RAD52: variants seen among roughly 807,000 people sequenced by gnomAD.
RAD52 encodes the protein RAD52 DNA repair protein, also known as DNA repair protein RAD52 homolog.
In RAD52, 47 loss-of-function variants were observed where a neutral mutation model predicts 55.5. That is an observed-to-expected ratio of 0.85 (90% CI 0.67 to 1.08). RAD52 has a LOEUF of 1.08. RAD52 is among the 50% of genes least tolerant of loss of function. The probability of loss-of-function intolerance (pLI) is 0.00; values close to 1 mark genes in which losing one functional copy is unlikely to be tolerated. For synonymous variants in RAD52, 184 were observed against 198.9 expected (o/e 0.92, Z 0.63); for missense variants, 468 against 522.8 (o/e 0.90, Z 1.02).
intron 7 of RAD52, among the ~76,000 whole-genome samples, chr12:923,204 T>C: frequency 6.7e-6 from 1 of 150,252 alleles, no homozygotes; most frequent in Non-Finnish European, 1.5e-5. Context: ...CTCAGCAACA[T>C]AGCAAGAACT....
At chr12:935,652 G>A (rs1957575313) in intron 1 of RAD52, among the ~76,000 whole-genome samples, 1 of 151,088 alleles carries the variant, frequency 6.6e-6, no homozygotes, top group African/African-American at 2.4e-5. Context: ...TCAGGAATTC[G>A]AGACCAGCCT....
At chr12:958,763 C>A (rs4765861) in intron 1 of RAD52, among the ~76,000 whole-genome samples, 1 of 152,152 alleles carries the variant, frequency 6.6e-6, no homozygotes, top group Non-Finnish European at 1.5e-5. Flanking sequence ...CTGCAGGGTG[C>A]GTGTGGCGAT....
intron 1 of RAD52, among the ~76,000 whole-genome samples, chr12:963,441 C>A: frequency 6.6e-6 from 1 of 151,982 alleles, no homozygotes; most frequent in African/African-American, 2.4e-5. Flanking sequence ...ACATGATAAG[C>A]AAGTAAACAA....
intron 1 of RAD52, chr12:976,104 G>A (rs1256237273): frequency 6.6e-6 from 1 of 152,258 alleles, no homozygotes; most frequent in African/African-American, 2.4e-5. Flanking sequence ...TGAATCACAA[G>A]GTCAGGAGTT....
chr12:942,428 G>A (rs1462545326), intron 1 of RAD52, among the ~76,000 whole-genome samples: 1 of 152,126 alleles, frequency 6.6e-6, no homozygotes, highest in African/African-American at 2.4e-5. Flanking sequence ...AGAAATGGGT[G>A]ATAGGCTTAA....
At chr12:931,144 C>T (rs1957306193) in intron 3 of RAD52, 76 bp downstream of exon 3, 3 of 1,215,464 alleles carry the variant, frequency 2.5e-6, no homozygotes, top group Non-Finnish European at 2.4e-6. Context: ...TCCCTGAGGA[C>T]CCAGAGAGGG....
intron 1 of RAD52, among the ~76,000 whole-genome samples, chr12:962,462 C>T (rs1018924952): frequency 6.6e-6 from 1 of 151,358 alleles, no homozygotes; most frequent in Non-Finnish European, 1.5e-5. Flanking sequence ...GCCTCAGCCT[C>T]CCGAGTAGCT....
In RAD52 at chr12:911,974, A is replaced by G. The variant is rs1340207305; in HGVS notation, c.*1417T>C. The G allele has an allele frequency of 5.1e-6, 1 of 194,830 alleles. No homozygotes were observed. Among genetic ancestry groups the G allele is most frequent in the African/African-American group, 2.3e-5 (1 of 43,124 alleles). The allele number at this position is 194,830 out of a possible 1,614,324, so 12.1% of individuals were successfully genotyped here. ...GGCAGGCGGAGGCTGCAATGAGTCA[A>G]GATGGCACCGCTGCACTCCAGCCTG... On this transcript the variant is annotated 3_prime_UTR_variant, in exon 12 of 12. Coordinates refer to ENST00000358495, the MANE Select transcript of RAD52 (RefSeq NM_134424.4).
Position 941,026 on chromosome 12 carries a change from T to C in RAD52, c.-18-7950A>G, listed in dbSNP as rs932492007. Among the ~76,000 whole-genome samples, 11 of 152,220 alleles carry C rather than the reference T, an allele frequency of 7.2e-5. No individual in the cohort carries two copies. In the East Asian group the frequency reaches 1.5e-3, roughly 21 times the overall value. On this transcript the variant is annotated intron_variant, in intron 1 of 11. Transcript: ENST00000358495. ...AACTAATAGCTCCAAATTTCCCAAA[T>C]TGGCCGACAGACATAAATTTACAGA...
chr12:927,130 C>CA lies in RAD52; in HGVS notation c.467+14dup. ...GCTGAAATGACGCAGGTTAGACTCC[C>CA]AGCCCCGCGCTCACCTGAGGGCTCG... On this transcript the variant is annotated intron_variant, in intron 6 of 11. Coordinates refer to ENST00000358495, the MANE Select transcript of RAD52 (RefSeq NM_134424.4). 8.7e-6 allele frequency: 14 copies of CA among 1,608,148 alleles called. No homozygotes were observed. Among genetic ancestry groups the CA allele is most frequent in the Non-Finnish European group, 1.2e-5 (14 of 1,174,882 alleles).
Position 914,078 on chromosome 12 carries a change from A to G in RAD52, c.1011T>C (p.Asp337=), listed in dbSNP as rs1443573863. The G allele has an allele frequency of 8.1e-6, 13 of 1,614,084 alleles. No individual in the cohort carries two copies. The Admixed American group carries it at 2.0e-4, about 25-fold the overall frequency. ...DNSEKWAVTP[D]AGDGVVKPSS... The stretch of plus-strand genomic sequence containing the variant: ...AGGGCTTGACCACACCATCCCCTGC[A>G]TCGGGAGTCACAGCCCACTTTTCAG... Residue 337 remains aspartate, a synonymous_variant, in exon 11 of 12, where the codon GAT becomes GAC. Coordinates refer to ENST00000358495, the MANE Select transcript of RAD52 (RefSeq NM_134424.4).
chr12:965,905 C>T (rs529755445), intron 1 of RAD52, among the ~76,000 whole-genome samples: 24 of 152,072 alleles, frequency 1.6e-4, no homozygotes, highest in East Asian at 3.9e-4. Flanking sequence ...AGGCTGATCT[C>T]GAACTGCTGA....
chr12:925,634 G>C, intron 6 of RAD52, 109 bp from the exon 7 acceptor site: 1 of 807,450 alleles, frequency 1.2e-6, no homozygotes, highest in Non-Finnish European at 2.1e-6. Context: ...AGCAGCAGAG[G>C]AAGTGGACCC....
intron 9 of RAD52, chr12:916,122 C>T (rs190537231): frequency 9.0e-5 from 112 of 1,247,540 alleles, no homozygotes; most frequent in South Asian, 6.2e-5. Flanking sequence ...CTTAGTTCCA[C>T]GGGGGAAAAA....
At chr12:958,238 AG>A (rs1206080002) in intron 1 of RAD52, among the ~76,000 whole-genome samples, 1 of 152,110 alleles carries the variant, frequency 6.6e-6, no homozygotes, top group Non-Finnish European at 1.5e-5. Flanking sequence ...TTTTTGAGAC[AG>A]GGTTTCGCTT....
rs148976270 is a variant in RAD52 at position 911,941 on chromosome 12, T to A, written c.*1450A>T. On this transcript the variant is annotated 3_prime_UTR_variant, in exon 12 of 12. Transcript: ENST00000358495. ...GGGAGCCTGAGGCAGGAGAATTGCTTGAATCCTGGCAGGCGGAGGCTGCAA... is the reference window on the plus strand; with the variant it reads ...GGGAGCCTGAGGCAGGAGAATTGCTAGAATCCTGGCAGGCGGAGGCTGCAA... 779 of 187,794 alleles carry A rather than the reference T, an allele frequency of 4.1e-3. 3 individuals are homozygous for A. Among genetic ancestry groups the A allele is most frequent in the Non-Finnish European group, 7.3e-3 (655 of 89,144 alleles). 11.6% of individuals were successfully genotyped at this position (187,794 alleles called of 1,614,324 possible). A position where few individuals can be genotyped will look rare whatever the true frequency, so the allele number is the denominator to read the frequency against.
chr12:916,622 G>A lies in RAD52; in HGVS notation c.725+17C>T, dbSNP rs1227063501. The A allele has an allele frequency of 1.2e-6, 2 of 1,608,396 alleles. No homozygotes were observed. The highest frequency in any genetic ancestry group is 3.4e-5 in the Admixed American group (2 of 59,454). On this transcript the variant is annotated intron_variant, in intron 8 of 11. Transcript: ENST00000358495. ...AGGAGGGGCCGCAGAGGAAAGGAGGGGACTTAGGCCGCATACCGGGAGCTG... is the reference window on the plus strand; with the variant it reads ...AGGAGGGGCCGCAGAGGAAAGGAGGAGACTTAGGCCGCATACCGGGAGCTG...
At chr12:983,551 C>T (rs143194437) in intron 1 of RAD52, among the ~76,000 whole-genome samples, 1,585 of 151,810 alleles carry the variant, frequency 0.01, 13 homozygotes, top group Middle Eastern at 0.054. Flanking sequence ...TCTCAAGTAG[C>T]TAGGATTACA....
At chr12:979,844 G>A (rs1958987679) in intron 1 of RAD52, among the ~76,000 whole-genome samples, 1 of 152,066 alleles carries the variant, frequency 6.6e-6, no homozygotes. Context: ...TCAGCAGATC[G>A]AGACCATCCT....
Sources: allele counts gnomAD v4.1 joint callset (sites outside exome capture counted in the v4.1 genomes callset), GRCh38; gene constraint gnomAD v4.1.1; transcripts MANE v1.5; gene names NCBI Gene and HGNC (gene_info 2026-07-23, HGNC 2026-07-21).